The following C5orf58 variants were observed in gnomAD, a reference collection of about 807,000 sequenced individuals.
C5orf58 encodes the protein chromosome 5 open reading frame 58, also known as putative uncharacterized protein C5orf58.
A neutral mutation model predicts 2.9 loss-of-function variants in C5orf58; 2 were observed. The observed-to-expected ratio is 0.69, with a 90% confidence interval of 0.28 to 2.18. The LOEUF (loss-of-function observed/expected upper bound fraction) is 2.18. C5orf58 is among the 30% of genes most tolerant of loss of function. C5orf58 has a pLI of 0.13. For missense variants in C5orf58, 96 were observed against 91.7 expected (o/e 1.05, Z -0.19); for synonymous variants, 37 against 33.4 (o/e 1.11, Z -0.37).
chr5:170,236,093 G>A (rs1760730286), intron 3 of C5orf58, among the ~76,000 whole-genome samples: 1 of 152,036 alleles, frequency 6.6e-6, no homozygotes, highest in South Asian at 2.1e-4. Context: ...TGCATCACAT[G>A]CTGATGCTTA....
In C5orf58 at chr5:170,239,686, C is replaced by T. The variant is rs139143667; in HGVS notation, c.94+4616C>T. Among the ~76,000 whole-genome samples, 64 of 152,144 alleles carry T rather than the reference C, an allele frequency of 4.2e-4. No homozygotes were observed. In the East Asian group the frequency reaches 0.01, roughly 25 times the overall value. On this transcript the variant is annotated intron_variant, in intron 3 of 3. Coordinates refer to ENST00000593851, the MANE Select transcript of C5orf58 (RefSeq NM_001102609.3). ...AATCAAATTTGTATAAATCAAGTTG[C>T]AGTTTAGTGATATAGCCGAGAAGTT... is the stretch of plus-strand genomic sequence containing the variant.
downstream of C5orf58, chr5:170,247,944 C>G (rs577481511): frequency 1.2e-4 from 19 of 152,258 alleles, no homozygotes; most frequent in African/African-American, 4.3e-4. Context: ...TTCATTAAAC[C>G]TAGACCCACG....
chr5:170,250,549 G>A (rs1325268647), downstream of C5orf58, among the ~76,000 whole-genome samples: 1 of 152,170 alleles, frequency 6.6e-6, no homozygotes, highest in Admixed American at 6.5e-5. Flanking sequence ...AGAATCCTAT[G>A]GCAGAAGTAA....
At chr5:170,233,661 G>C (rs2113077602) in intron 1 of C5orf58, 1 of 167,672 alleles carries the variant, frequency 6.0e-6, no homozygotes, top group African/African-American at 2.4e-5. Flanking sequence ...CCTACAGTCT[G>C]GTCTCCGCTT....
downstream of C5orf58, chr5:170,247,067 A>G (rs1761315644): frequency 6.6e-6 from 1 of 152,200 alleles, no homozygotes; most frequent in South Asian, 2.1e-4. Context: ...AATTGTAAAG[A>G]TAGAATACGG....
In C5orf58 at chr5:170,236,106, G is replaced by T. The variant is rs141041792; in HGVS notation, c.94+1036G>T. 2.4e-3 allele frequency among the ~76,000 whole-genome samples: 358 copies of T among 152,138 alleles called. 1 individual carries two copies. Among genetic ancestry groups the T allele is most frequent in the African/African-American group, 8.0e-3 (334 of 41,516 alleles). ...TTTGCATCACATGCTGATGCTTACAGCAGCCACAGCTAAGGGGACTGGGAC... is the reference window on the plus strand; with the variant it reads ...TTTGCATCACATGCTGATGCTTACATCAGCCACAGCTAAGGGGACTGGGAC... On this transcript the variant is annotated intron_variant, in intron 3 of 3. Coordinates refer to ENST00000593851, the MANE Select transcript of C5orf58 (RefSeq NM_001102609.3).
Position 170,245,942 on chromosome 5 carries a change from T to A in C5orf58, c.95-20T>A, listed in dbSNP as rs1030965985. 2 of 1,604,096 alleles carry A rather than the reference T, an allele frequency of 1.2e-6. No individual in the cohort carries two copies. Among genetic ancestry groups the A allele is most frequent in the Admixed American group, 3.5e-5 (2 of 57,660 alleles). On this transcript the variant is annotated intron_variant, in intron 3 of 3. Coordinates refer to ENST00000593851, the MANE Select transcript of C5orf58 (RefSeq NM_001102609.3). ...GACATATGTGCTACAATATAATATC[T>A]CCTGTTTTGTTTTGCACAGAGCTCT...
At chr5:170,241,278 A>G (rs1354300544) in intron 3 of C5orf58, among the ~76,000 whole-genome samples, 1 of 151,834 alleles carries the variant, frequency 6.6e-6, no homozygotes, top group Non-Finnish European at 1.5e-5. Flanking sequence ...TTGGTTCCAT[A>G]TGAACTTTAA....
chr5:170,251,420 C>CT (rs889183918), intron 2 of C5orf58: 1 of 212,898 alleles, frequency 4.7e-6, no homozygotes, highest in East Asian at 1.1e-4. Flanking sequence ...CTTTTCTTTT[C>CT]TTTTTTCTGA....
In C5orf58 at chr5:170,239,786, T is replaced by A. The variant is rs538909183; in HGVS notation, c.94+4716T>A. Among the ~76,000 whole-genome samples, 107 of 152,206 alleles carry A rather than the reference T, an allele frequency of 7.0e-4. 3 individuals carry two copies. The South Asian group carries it at 0.017, about 24-fold the overall frequency. On this transcript the variant is annotated intron_variant, in intron 3 of 3. Coordinates refer to ENST00000593851, the MANE Select transcript of C5orf58 (RefSeq NM_001102609.3). ...AATAACATAAATCTTATTTTTTTTT[T>A]AATTATACTTTAAGTTTTAGGGTAC...
chr5:170,236,839 C>G (rs955742016), intron 3 of C5orf58, among the ~76,000 whole-genome samples: 8 of 152,182 alleles, frequency 5.3e-5, no homozygotes, highest in Non-Finnish European at 1.2e-4. Flanking sequence ...AGCATGTTAT[C>G]CTTTCTGCCT....
downstream of C5orf58, chr5:170,248,854 T>G (rs370371522): frequency 1.2e-6 from 2 of 1,606,184 alleles, no homozygotes; most frequent in Non-Finnish European, 1.7e-6. Context: ...GAGTCAACAT[T>G]GGAATGAAAA....
downstream of C5orf58, chr5:170,251,034 C>T (rs1761426661): frequency 3.3e-6 from 2 of 606,992 alleles, no homozygotes; most frequent in African/African-American, 1.9e-5. Flanking sequence ...ATTCAACGAA[C>T]ATTCAGTTCT....
chr5:170,251,334 C>T (rs546335120), intron 2 of C5orf58: 2 of 192,118 alleles, frequency 1.0e-5, no homozygotes, highest in Non-Finnish European at 2.2e-5. Flanking sequence ...TGAAATTCAC[C>T]CTTCTTAAAA....
intron 3 of C5orf58, chr5:170,237,421 T>C (rs1760789593): frequency 5.0e-6 from 2 of 396,902 alleles, no homozygotes; most frequent in South Asian, 2.6e-4. Context: ...ATTTAACTTT[T>C]TCAAGGTCAA....
At chr5:170,245,358 G>A (rs992923993) in intron 3 of C5orf58, among the ~76,000 whole-genome samples, 15 of 152,318 alleles carry the variant, frequency 9.8e-5, no homozygotes, top group African/African-American at 3.4e-4. Context: ...AATGGTGGGC[G>A]CCCCTCCCCC....
intron 3 of C5orf58, 44 bp downstream of exon 3, chr5:170,235,114 A>C (rs1760690382): frequency 9.8e-7 from 1 of 1,023,852 alleles, no homozygotes; most frequent in Non-Finnish European, 1.5e-6. Flanking sequence ...ATTGTTATAA[A>C]ATAAATGATA....
At chr5:170,248,687 C>T (rs745686298), downstream of C5orf58, 60 of 1,573,028 alleles carry the variant, frequency 3.8e-5, no homozygotes, top group Admixed American at 6.4e-4. Flanking sequence ...ATTTGCTCGG[C>T]TATAACTTGC....
intron 3 of C5orf58, among the ~76,000 whole-genome samples, chr5:170,245,142 AGCTGCGT>A (rs1561961508): frequency 6.6e-6 from 1 of 152,190 alleles, no homozygotes; most frequent in Non-Finnish European, 1.5e-5. Context: ...TCAGATCTCC[AGCTGCGT>A]GCTGGGAGAA....
Sources: gnomAD v4.1 joint callset for allele counts (sites outside exome capture counted in the v4.1 genomes callset) on GRCh38, gnomAD v4.1.1 for gene constraint, MANE v1.5 for transcripts, NCBI Gene and HGNC (gene_info 2026-07-23, HGNC 2026-07-21) for gene names.